The following XRCC5 variants were observed in gnomAD, a reference collection of about 807,000 sequenced individuals.
XRCC5 encodes the protein X-ray repair cross complementing 5, also known as DNA repair protein Ku80.
XRCC5 carries 12 observed loss-of-function variants against 95.7 expected under a neutral mutation model. That is an observed-to-expected ratio of 0.13 (90% CI 0.08 to 0.20). The LOEUF is 0.20. XRCC5 is among the 10% of genes least tolerant of loss of function. The pLI, the probability that XRCC5 is intolerant of heterozygous loss-of-function variation, is 1.00. For synonymous variants in XRCC5, 281 were observed against 290.3 expected (o/e 0.97, Z 0.33); for missense variants, 595 against 873.9 (o/e 0.68, Z 4.02).
chr2:216,119,879 A>G (rs983282934), intron 5 of XRCC5, among the ~76,000 whole-genome samples: 1 of 152,222 alleles, frequency 6.6e-6, no homozygotes, highest in Non-Finnish European at 1.5e-5. Context: ...CATTTGAAAC[A>G]TATTTTTTCT....
intron 14 of XRCC5, among the ~76,000 whole-genome samples, chr2:216,152,369 G>A (rs900986561): frequency 4.6e-5 from 7 of 152,006 alleles, no homozygotes; most frequent in Admixed American, 6.6e-5. Flanking sequence ...GAACCTAGGA[G>A]GCGGAGGTTT....
chr2:216,168,705 A>C (rs1299858756), intron 16 of XRCC5, among the ~76,000 whole-genome samples: 1 of 152,254 alleles, frequency 6.6e-6, no homozygotes, highest in Non-Finnish European at 1.5e-5. Flanking sequence ...ACTGAAAAAA[A>C]TCACAAGATC....
chr2:216,121,857 A>G (rs1271715214), intron 5 of XRCC5, among the ~76,000 whole-genome samples: 1 of 152,200 alleles, frequency 6.6e-6, no homozygotes, highest in Non-Finnish European at 1.5e-5. Flanking sequence ...TTGGTTATGT[A>G]GTAGCCAGTG....
At chr2:216,196,835 G>C (rs762265474) in intron 19 of XRCC5, among the ~76,000 whole-genome samples, 5 of 152,108 alleles carry the variant, frequency 3.3e-5, no homozygotes, top group Non-Finnish European at 7.3e-5. Context: ...GTGTTTGATG[G>C]AACAACTGGG....
rs529702480 is a variant in XRCC5 at position 216,127,035 on chromosome 2, T to G, written c.799-501T>G. ...CAGAGGCTGAGGTGAGCAGATCACT[T>G]TAGGCCAGGAGTTCGAAACCAGCCT... On this transcript the variant is annotated intron_variant, in intron 7 of 20. Transcript: ENST00000392132. 1.2e-3 allele frequency among the ~76,000 whole-genome samples: 177 copies of G among 152,238 alleles called. 3 individuals carry two copies. In the South Asian group the frequency reaches 0.035, roughly 31 times the overall value.
intron 16 of XRCC5, among the ~76,000 whole-genome samples, chr2:216,187,205 G>C (rs1013462437): frequency 2.6e-5 from 4 of 152,122 alleles, no homozygotes; most frequent in Non-Finnish European, 5.9e-5. Context: ...TTATCCATCT[G>C]TGTTTCTGAA....
At chr2:216,194,480 A>G (rs942668765) in intron 18 of XRCC5, among the ~76,000 whole-genome samples, 4 of 152,244 alleles carry the variant, frequency 2.6e-5, no homozygotes, top group Admixed American at 1.3e-4. Flanking sequence ...GTGATCTGAG[A>G]TTTCTAAAGA....
chr2:216,137,355 C>A, intron 11 of XRCC5, 130 bp downstream of exon 11: 1 of 1,077,144 alleles, frequency 9.3e-7, no homozygotes, highest in Non-Finnish European at 1.2e-6. Flanking sequence ...TTGTGTAGTT[C>A]TGGGGCAGGG....
At chr2:216,174,984 A>G in intron 16 of XRCC5, 1 of 326,566 alleles carries the variant, frequency 3.1e-6, no homozygotes, top group Admixed American at 3.6e-5. Flanking sequence ...TTCCACCAAA[A>G]CTGCACCCTT....
chr2:216,131,166 A>G, intron 9 of XRCC5, 179 bp downstream of exon 9: 1 of 985,354 alleles, frequency 1.0e-6, no homozygotes, highest in African/African-American at 1.7e-5. Context: ...TGAGGTTCAG[A>G]GCCGTTAAGT....
intron 16 of XRCC5, among the ~76,000 whole-genome samples, chr2:216,164,937 T>G (rs1413481281): frequency 6.6e-6 from 1 of 152,142 alleles, no homozygotes; most frequent in Non-Finnish European, 1.5e-5. Context: ...ACTCACATCT[T>G]AGGAAAATAT....
chr2:216,202,868 CTG>C (rs1405381452), intron 19 of XRCC5, among the ~76,000 whole-genome samples: 3 of 152,198 alleles, frequency 2.0e-5, no homozygotes, highest in African/African-American at 7.2e-5. Flanking sequence ...ACTTTGTTAC[CTG>C]TGTGTGTTTT....
rs1454895129 is a variant in XRCC5 at position 216,194,960 on chromosome 2, T to C, written c.2083T>C (p.Ser695Pro). 1.2e-6 allele frequency: 2 copies of C among 1,614,206 alleles called. No homozygotes were observed. The highest frequency in any genetic ancestry group is 2.2e-5 in the South Asian group (2 of 91,084). The stretch of plus-strand genomic sequence containing the variant: ...CACCAAAGAGGAAGCCTCTGGAAGT[T>C]CTGTCACAGCTGAGGAAGCCAAAAA... The part of the protein sequence containing the change: ...LITKEEASGS[S>P]VTAEEAKKFL... Residue 695 changes from serine to proline, a missense_variant, in exon 19 of 21, where the codon TCT (serine) becomes CCT (proline). Coordinates refer to ENST00000392132, the MANE Select transcript of XRCC5 (RefSeq NM_021141.4).
chr2:216,169,011 T>C (rs1490233346), intron 16 of XRCC5, among the ~76,000 whole-genome samples: 1 of 152,246 alleles, frequency 6.6e-6, no homozygotes, highest in African/African-American at 2.4e-5. Context: ...GGGTCACATA[T>C]CTGAAACCTT....
chr2:216,189,325 G>C (rs1432931845), intron 16 of XRCC5, among the ~76,000 whole-genome samples: 1 of 152,214 alleles, frequency 6.6e-6, no homozygotes, highest in Admixed American at 6.5e-5. Context: ...TGGTTTCAGG[G>C]GACAAGGGAG....
chr2:216,181,085 A>G (rs1164431783), intron 16 of XRCC5, among the ~76,000 whole-genome samples: 1 of 151,984 alleles, frequency 6.6e-6, no homozygotes, highest in East Asian at 1.9e-4. Context: ...AGTGCTGGGA[A>G]TACAGGCACG....
intron 14 of XRCC5, among the ~76,000 whole-genome samples, chr2:216,152,662 T>TA (rs1688767126): frequency 6.6e-6 from 1 of 151,014 alleles, no homozygotes; most frequent in Non-Finnish European, 1.5e-5. Context: ...TTTTTTTTTT[T>TA]AATTTTAGTT....
chr2:216,112,862 T>C (rs1696613569), intron 1 of XRCC5, among the ~76,000 whole-genome samples, 154 bp from the exon 2 acceptor site: 1 of 152,268 alleles, frequency 6.6e-6, no homozygotes, highest in Admixed American at 6.5e-5. Context: ...TGAAAATTTA[T>C]ATGTCTTACA....
chr2:216,151,529 A>G (rs181649340), intron 14 of XRCC5, among the ~76,000 whole-genome samples: 110 of 152,338 alleles, frequency 7.2e-4, no homozygotes, highest in Non-Finnish European at 4.0e-4. Context: ...AATATGAGTC[A>G]GACCCCTTGC....
Sources: allele counts gnomAD v4.1 joint callset (sites outside exome capture counted in the v4.1 genomes callset), GRCh38; gene constraint gnomAD v4.1.1; transcripts MANE v1.5; gene names NCBI Gene and HGNC (gene_info 2026-07-23, HGNC 2026-07-21).